The following CPNE4 variants were observed in gnomAD, a reference collection of about 807,000 sequenced individuals.
The protein encoded by CPNE4 is copine-4.
In CPNE4, 25 loss-of-function variants were observed where a neutral mutation model predicts 67.9. The observed-to-expected ratio is 0.37, with a 90% CI of 0.27 to 0.51. The LOEUF is 0.51. Among genes scored for constraint, CPNE4 ranks in the 20% least tolerant of loss-of-function variants. The pLI is 0.93. For missense variants in CPNE4, 464 were observed against 690.8 expected (o/e 0.67, Z 3.68); for synonymous variants, 242 against 244.9 (o/e 0.99, Z 0.11).
At chr3:131,918,753 T>A (rs1327078143) in intron 1 of CPNE4, among the ~76,000 whole-genome samples, 1 of 152,184 alleles carries the variant, frequency 6.6e-6, no homozygotes, top group Admixed American at 6.5e-5. Context: ...GCCATTACTA[T>A]GTTAATTTGC....
At chr3:131,815,143 T>C (rs1185891131) in intron 2 of CPNE4, among the ~76,000 whole-genome samples, 1 of 152,046 alleles carries the variant, frequency 6.6e-6, no homozygotes, top group Non-Finnish European at 1.5e-5. Context: ...AAAATATCCA[T>C]AAGATGTAAA....
intron 2 of CPNE4, among the ~76,000 whole-genome samples, chr3:131,746,632 A>G (rs1208102593): frequency 2.6e-5 from 4 of 152,110 alleles, no homozygotes; most frequent in African/African-American, 9.7e-5. Context: ...ATAGTATTCC[A>G]TTGTGTATAT....
chr3:131,668,922 A>G (rs760440715), intron 7 of CPNE4, among the ~76,000 whole-genome samples: 16 of 152,160 alleles, frequency 1.1e-4, no homozygotes, highest in Non-Finnish European at 1.9e-4. Flanking sequence ...AGCTTCTTCC[A>G]CCAAGAGATG....
At chr3:131,990,415 T>A (rs935071775) in intron 1 of CPNE4, among the ~76,000 whole-genome samples, 6 of 136,066 alleles carry the variant, frequency 4.4e-5, no homozygotes, top group African/African-American at 1.5e-4. Context: ...AAATGTTTTA[T>A]GTGTGTGTTA....
chr3:131,628,065 G>A (rs924616432), intron 7 of CPNE4, among the ~76,000 whole-genome samples: 5 of 152,154 alleles, frequency 3.3e-5, no homozygotes, highest in African/African-American at 1.2e-4. Context: ...GCATCACATG[G>A]TACAAATGAA....
chr3:131,937,969 G>A (rs922208587), intron 1 of CPNE4, among the ~76,000 whole-genome samples: 1 of 151,986 alleles, frequency 6.6e-6, no homozygotes. Context: ...AGGACTAAGG[G>A]TATTAAATTA....
At chr3:131,735,591 T>C (rs1445156481) in intron 2 of CPNE4, among the ~76,000 whole-genome samples, 2 of 152,262 alleles carry the variant, frequency 1.3e-5, no homozygotes, top group African/African-American at 2.4e-5. Flanking sequence ...TCTTTCTCTG[T>C]CATGAAATAC....
chr3:131,906,770 T>A (rs1388915548), intron 1 of CPNE4, among the ~76,000 whole-genome samples: 2 of 151,824 alleles, frequency 1.3e-5, no homozygotes, highest in African/African-American at 4.8e-5. Flanking sequence ...ATATACCCAG[T>A]AATGGGATGG....
intron 2 of CPNE4, among the ~76,000 whole-genome samples, chr3:131,751,769 T>C (rs918852894): frequency 1.5e-5 from 2 of 137,424 alleles, no homozygotes; most frequent in African/African-American, 4.9e-5. Context: ...TAGCTGTTTT[T>C]TTTTTGTTTT....
At chr3:131,552,380 A>C (rs1936231768) in intron 13 of CPNE4, 60 bp downstream of exon 13, 1 of 1,431,210 alleles carries the variant, frequency 7.0e-7, no homozygotes, top group Non-Finnish European at 9.8e-7. Flanking sequence ...GATGAACTAA[A>C]ATGGGAAAGC....
chr3:131,819,862 T>C lies in CPNE4; in HGVS notation c.180+85402A>G, dbSNP rs150603331. On this transcript the variant is annotated intron_variant, in intron 2 of 15. Transcript: ENST00000429747. The stretch of plus-strand genomic sequence containing the variant: ...AACAATGATGTGGAAAGTATGACTT[T>C]GACCCTGCCCAAAGCGCAGGGCCCA... Among the ~76,000 whole-genome samples the C allele has an allele frequency of 1.2e-4, 18 of 152,302 alleles. No individual in the cohort carries two copies. In the East Asian group the frequency reaches 3.5e-3, roughly 29 times the overall value.
intron 1 of CPNE4, among the ~76,000 whole-genome samples, chr3:131,951,802 T>C (rs1396355042): frequency 7.2e-5 from 11 of 152,154 alleles, no homozygotes; most frequent in African/African-American, 1.2e-4. Flanking sequence ...TAACCGCGAG[T>C]GATCCGCCAG....
At chr3:131,647,847 A>G (rs542511566) in intron 7 of CPNE4, among the ~76,000 whole-genome samples, 29 of 152,126 alleles carry the variant, frequency 1.9e-4, no homozygotes, top group Non-Finnish European at 3.8e-4. Flanking sequence ...TTGCTTAAAT[A>G]AGTCTCCAAA....
At chr3:131,590,013 G>C (rs1259053432) in intron 7 of CPNE4, among the ~76,000 whole-genome samples, 2 of 152,158 alleles carry the variant, frequency 1.3e-5, no homozygotes, top group African/African-American at 4.8e-5. Context: ...CCAAGTTTGG[G>C]GTGGGAGGAG....
At chr3:131,963,052 C>T (rs1444452595) in intron 1 of CPNE4, among the ~76,000 whole-genome samples, 2 of 151,984 alleles carry the variant, frequency 1.3e-5, no homozygotes, top group South Asian at 2.1e-4. Flanking sequence ...CAGAGGTACC[C>T]GGTTCATCTG....
chr3:131,872,775 C>T (rs2107697638), intron 2 of CPNE4, among the ~76,000 whole-genome samples: 1 of 152,250 alleles, frequency 6.6e-6, no homozygotes, highest in Non-Finnish European at 1.5e-5. Context: ...AAGTTCAGGC[C>T]ATATGAAAAG....
At chr3:132,029,308 C>T (rs1358285694) in intron 1 of CPNE4, among the ~76,000 whole-genome samples, 2 of 152,194 alleles carry the variant, frequency 1.3e-5, no homozygotes, top group Non-Finnish European at 2.9e-5. Context: ...AGGGCAAAAC[C>T]TTTTGTCCCC....
chr3:131,782,461 T>G (rs2083452892), intron 2 of CPNE4, among the ~76,000 whole-genome samples: 1 of 147,406 alleles, frequency 6.8e-6, no homozygotes, highest in Non-Finnish European at 1.5e-5. Context: ...TTCATCGATT[T>G]AAAGTAATAC....
At chr3:131,824,145 T>C (rs899688117) in intron 2 of CPNE4, among the ~76,000 whole-genome samples, 1 of 142,952 alleles carries the variant, frequency 7.0e-6, no homozygotes, top group South Asian at 2.5e-4. Context: ...GTACTTTATA[T>C]AAATAAAGTG....
Sources: gnomAD v4.1 joint callset for allele counts (sites outside exome capture counted in the v4.1 genomes callset) on GRCh38, gnomAD v4.1.1 for gene constraint, MANE v1.5 for transcripts, NCBI Gene and HGNC (gene_info 2026-07-23, HGNC 2026-07-21) for gene names.